Variants in GBE1 observed in about 807,000 individuals in gnomAD.
GBE1 encodes the protein 1,4-alpha-glucan-branching enzyme.
In GBE1, 70 loss-of-function variants were observed where a neutral mutation model predicts 88.8. The ratio of observed to expected loss-of-function variants is 0.79; its 90% CI spans 0.65 to 0.96. The LOEUF is 0.96. Among genes scored for constraint, GBE1 ranks in the 40% least tolerant of loss-of-function variants. The pLI, the probability that GBE1 is intolerant of heterozygous loss-of-function variation, is 0.00. For synonymous variants in GBE1, 284 were observed against 300.1 expected, an observed-to-expected ratio of 0.95 and a Z score of 0.56; for missense variants, 872 against 871.0, an observed-to-expected ratio of 1.00 and a Z score of -0.01.
intron 1 of GBE1, among the ~76,000 whole-genome samples, chr3:81,752,919 GA>G (rs1706550631): frequency 6.6e-6 from 1 of 152,090 alleles, no homozygotes; most frequent in African/African-American, 2.4e-5. Context: ...TATTTAACTT[GA>G]TATATTAGTT....
At chr3:81,606,337 A>G (rs954348503) in intron 7 of GBE1, among the ~76,000 whole-genome samples, 4 of 152,218 alleles carry the variant, frequency 2.6e-5, no homozygotes, top group African/African-American at 7.2e-5. Context: ...AATTGCTAAA[A>G]CCATGCACCA....
At chr3:81,687,836 G>A (rs1028287740) in intron 2 of GBE1, among the ~76,000 whole-genome samples, 29 of 152,180 alleles carry the variant, frequency 1.9e-4, no homozygotes, top group African/African-American at 6.3e-4. Context: ...AAGTAGTCAC[G>A]TCACAAAACA....
intron 1 of GBE1, among the ~76,000 whole-genome samples, chr3:81,745,677 A>G (rs889049356): frequency 6.6e-6 from 1 of 152,148 alleles, no homozygotes; most frequent in African/African-American, 2.4e-5. Context: ...AGCACAAATG[A>G]CAGGTAAAAT....
chr3:81,710,619 G>A (rs896233978), intron 1 of GBE1, among the ~76,000 whole-genome samples: 1 of 151,788 alleles, frequency 6.6e-6, no homozygotes, highest in African/African-American at 2.4e-5. Flanking sequence ...TGGGGGCTCG[G>A]GGGAACCTCA....
chr3:81,618,474 C>CCA (rs1704280263), intron 7 of GBE1, among the ~76,000 whole-genome samples: 1 of 152,062 alleles, frequency 6.6e-6, no homozygotes, highest in African/African-American at 2.4e-5. Flanking sequence ...AAACTCAACT[C>CCA]CACACTCCAT....
rs114094562 is a variant in GBE1 at position 81,624,677 on chromosome 3, A to C, written c.992+18104T>G. Reference sequence around the variant, plus strand: ...ATGCATACACACACACATAACATGTAAATAAATAAGAAAATAACCTAGTAG... The same window carrying C: ...ATGCATACACACACACATAACATGTCAATAAATAAGAAAATAACCTAGTAG... On this transcript the variant is annotated intron_variant, in intron 7 of 15. Transcript: ENST00000429644. Among the ~76,000 whole-genome samples the C allele has an allele frequency of 1.5e-3, 236 of 152,302 alleles. 1 individual carries two copies. Among genetic ancestry groups the C allele is most frequent in the Non-Finnish European group, 2.6e-3 (180 of 68,012 alleles).
intron 9 of GBE1, among the ~76,000 whole-genome samples, chr3:81,588,637 A>G (rs1703832271): frequency 1.3e-5 from 2 of 152,206 alleles, no homozygotes; most frequent in African/African-American, 2.4e-5. Flanking sequence ...CTTCTCAAAA[A>G]AAAGTATCAA....
At chr3:81,671,136 TA>T (rs1281395605) in intron 2 of GBE1, among the ~76,000 whole-genome samples, 183 bp from the exon 3 acceptor site, 1 of 152,202 alleles carries the variant, frequency 6.6e-6, no homozygotes, top group South Asian at 2.1e-4. Flanking sequence ...AATTTATTTA[TA>T]AAAAATGCAT....
intron 2 of GBE1, among the ~76,000 whole-genome samples, chr3:81,676,247 A>G (rs1437836041): frequency 3.3e-5 from 5 of 152,112 alleles, no homozygotes; most frequent in Admixed American, 6.6e-5. Flanking sequence ...TAGCCCCCAC[A>G]GTGTTCACAG....
At chr3:81,637,245 A>C (rs1362758711) in intron 7 of GBE1, among the ~76,000 whole-genome samples, 1 of 152,190 alleles carries the variant, frequency 6.6e-6, no homozygotes. Flanking sequence ...CTATATGATG[A>C]AGTGAGGTGA....
At chr3:81,549,978 C>A (rs1003851884) in intron 12 of GBE1, among the ~76,000 whole-genome samples, 1 of 151,206 alleles carries the variant, frequency 6.6e-6, no homozygotes, top group Non-Finnish European at 1.5e-5. Flanking sequence ...ATAAACCAAC[C>A]AGTGATCTCT....
At chr3:81,545,638 A>G (rs201010119) in intron 12 of GBE1, among the ~76,000 whole-genome samples, 70 of 119,292 alleles carry the variant, frequency 5.9e-4, no homozygotes, top group East Asian at 5.8e-3. Flanking sequence ...GTGTGTGTGT[A>G]TGTGTGTGCA....
rs1459658815 is a variant in GBE1, at chr3:81,721,214, AATAAATAAAT to A, written c.144-15611_144-15602del. 6.1e-4 allele frequency among the ~76,000 whole-genome samples: 62 copies of A among 102,476 alleles called. 1 individual carries two copies. Among genetic ancestry groups the A allele is most frequent in the South Asian group, 1.1e-3 (4 of 3,762 alleles). 67.2% of individuals were successfully genotyped at this position (102,476 alleles called of 152,430 possible). Reference sequence around the variant, plus strand: ...CTTAGAGTATAATAAAAAATAAATAAATAAATAAATAAATAAATAAAAACACATGAAAAAA... The same window carrying A: ...CTTAGAGTATAATAAAAAATAAATAAAAATAAATAAAAACACATGAAAAAA... On this transcript the variant is annotated intron_variant, in intron 1 of 15. Transcript: ENST00000429644.
chr3:81,737,420 AATAT>A (rs948108233), intron 1 of GBE1, among the ~76,000 whole-genome samples: 1 of 136,170 alleles, frequency 7.3e-6, no homozygotes, highest in Non-Finnish European at 1.5e-5. Context: ...TATTTATATA[AATAT>A]ATATATTCAT....
chr3:81,701,577 A>G (rs981453552), intron 2 of GBE1, among the ~76,000 whole-genome samples: 2 of 151,968 alleles, frequency 1.3e-5, no homozygotes, highest in Non-Finnish European at 2.9e-5. Context: ...AATTTCTCAC[A>G]TTCACAATCT....
rs567790853 is a variant in GBE1 at position 81,649,849 on chromosome 3, C to A, written c.502G>T (p.Gly168Cys). Residue 168 changes from glycine to cysteine, a missense_variant, in exon 4 of 16, where the codon GGT becomes TGT. Coordinates refer to ENST00000429644, the MANE Select transcript of GBE1 (RefSeq NM_000158.4). ...ATCCAATCATAATTCACATTATCAC[C>A]TTCACGAACCACATACTTTGCCCAC... ...SPWAKYVVRE[G>C]DNVNYDWIHW... 1 of 1,611,702 alleles carries A rather than the reference C, an allele frequency of 6.2e-7. No individual in the cohort carries two copies. Among genetic ancestry groups the A allele is most frequent in the East Asian group, 2.2e-5 (1 of 44,768 alleles).
chr3:81,614,315 T>A (rs529206194), intron 7 of GBE1, among the ~76,000 whole-genome samples: 1 of 152,380 alleles, frequency 6.6e-6, no homozygotes, highest in East Asian at 1.9e-4. Flanking sequence ...CTACCATAAT[T>A]TCTGAACTGC....
chr3:81,615,036 AG>A (rs1704230930), intron 7 of GBE1, among the ~76,000 whole-genome samples: 1 of 152,004 alleles, frequency 6.6e-6, no homozygotes. Flanking sequence ...AAAAAAAAAA[AG>A]TTTTGTATTG....
chr3:81,710,602 T>G (rs904880521), intron 1 of GBE1, among the ~76,000 whole-genome samples: 2 of 152,094 alleles, frequency 1.3e-5, no homozygotes, highest in African/African-American at 2.4e-5. Flanking sequence ...TTTTTTAACA[T>G]GTTAATTGGG....
Sources: gnomAD v4.1 joint callset for allele counts (sites outside exome capture counted in the v4.1 genomes callset) on GRCh38, gnomAD v4.1.1 for gene constraint, MANE v1.5 for transcripts, NCBI Gene and HGNC (gene_info 2026-07-23, HGNC 2026-07-21) for gene names.